CELSR1: variants seen among roughly 807,000 people sequenced by gnomAD.
The protein encoded by CELSR1 is cadherin EGF LAG seven-pass G-type receptor 1, also known as adhesion G protein-coupled receptor C1.
Under a neutral mutation model 249.1 loss-of-function variants are expected in CELSR1, and 110 were observed. The ratio of observed to expected loss-of-function variants is 0.44; its 90% CI spans 0.38 to 0.52. The LOEUF is 0.52. Among genes scored for constraint, CELSR1 ranks in the 20% least tolerant of loss-of-function variants. The pLI, the probability that CELSR1 is intolerant of heterozygous loss-of-function variation, is 0.00. For missense variants in CELSR1, 4,109 were observed against 4,296.4 expected, an observed-to-expected ratio of 0.96 and a Z score of 1.22; for synonymous variants, 2,113 against 1,900.0, an observed-to-expected ratio of 1.11 and a Z score of -2.92.
intron 27 of CELSR1, among the ~76,000 whole-genome samples, chr22:46,368,387 C>G (rs2078811523): frequency 6.6e-6 from 1 of 152,058 alleles, no homozygotes; most frequent in Non-Finnish European, 1.5e-5. Context: ...AGACGAGGAA[C>G]TGACAAGGCC....
intron 1 of CELSR1, among the ~76,000 whole-genome samples, chr22:46,491,589 T>C (rs1469996342): frequency 6.6e-6 from 1 of 151,380 alleles, no homozygotes; most frequent in African/African-American, 2.4e-5. Context: ...TTAAAAGTTT[T>C]TCTTGTGAAC....
At position 46,536,396 on chromosome 22, in the gene CELSR1, G is replaced by A; in HGVS notation, c.775C>T (p.Pro259Ser). 6.2e-7 allele frequency: 1 copy of A among 1,612,308 alleles called. No individual in the cohort carries two copies. The change falls in exon 1 of 35, where the codon CCG (proline) becomes TCG (serine). Residue 259 changes from proline to serine, a missense_variant. Coordinates refer to ENST00000674500, the MANE Select transcript of CELSR1 (RefSeq NM_001378328.1). ...NYQVALFENE[P>S]AGTLILQLHA... is the part of the protein sequence containing the mutation. The stretch of plus-strand genomic sequence containing the variant: ...AGCTGGAGGATGAGGGTGCCCGCCG[G>A]TTCGTTCTCAAACAACGCCACCTGG...
chr22:46,414,440 C>A (rs2079373808), intron 5 of CELSR1, among the ~76,000 whole-genome samples: 1 of 152,226 alleles, frequency 6.6e-6, no homozygotes, highest in African/African-American at 2.4e-5. Context: ...TCCCGATGGC[C>A]CATCCCTCTC....
chr22:46,444,416 G>A (rs564671561), intron 2 of CELSR1, among the ~76,000 whole-genome samples: 10 of 152,312 alleles, frequency 6.6e-5, no homozygotes, highest in East Asian at 3.9e-4. Context: ...TCCTGCCCCC[G>A]AGGGGGGCAC....
In CELSR1 at chr22:46,434,094, G is replaced by A. The variant is rs1459200167; in HGVS notation, c.4523-613C>T. 1.3e-5 allele frequency among the ~76,000 whole-genome samples: 2 copies of A among 152,232 alleles called. No individual in the cohort carries two copies. The highest frequency in any genetic ancestry group is 1.5e-5 in the Non-Finnish European group (1 of 68,044). On this transcript the variant is annotated intron_variant, in intron 4 of 34. Transcript: ENST00000674500. This position sits in a 1 kb window ranked among gnomAD's most constrained non-coding sequence, Gnocchi z 4.9. Reference sequence around the variant, plus strand: ...GGTCGAACCCTTTTTCCTATGCATTGCATCAACGTAGACAAAATCATCAAA... The same window carrying A: ...GGTCGAACCCTTTTTCCTATGCATTACATCAACGTAGACAAAATCATCAAA...
chr22:46,416,545 C>G (rs111623722), intron 5 of CELSR1, among the ~76,000 whole-genome samples: 1 of 152,204 alleles, frequency 6.6e-6, no homozygotes, highest in Non-Finnish European at 1.5e-5. Flanking sequence ...CTCTACACCC[C>G]TCGGCGGGCA....
At chr22:46,529,261 A>C (rs970806931) in intron 1 of CELSR1, among the ~76,000 whole-genome samples, 4 of 151,722 alleles carry the variant, frequency 2.6e-5, no homozygotes, top group African/African-American at 9.7e-5. Context: ...GTGAGACTCC[A>C]TTTCAAAAAA....
chr22:46,453,859 C>A (rs1032376936), intron 2 of CELSR1, among the ~76,000 whole-genome samples: 3 of 152,116 alleles, frequency 2.0e-5, no homozygotes, highest in Non-Finnish European at 4.4e-5. Flanking sequence ...AAATATTTAC[C>A]GGGTGTGAGT....
Position 46,361,189 on chromosome 22 carries a change from C to G in CELSR1, c.*2034G>C, listed in dbSNP as rs2078700300. 6.6e-6 allele frequency: 1 copy of G among 152,656 alleles called. No individual in the cohort carries two copies. The highest frequency in any genetic ancestry group is 2.1e-4 in the South Asian group (1 of 4,826). 9.5% of individuals were successfully genotyped at this position (152,656 alleles called of 1,614,324 possible). The stretch of plus-strand genomic sequence containing the variant: ...ACCGCAGAAGTACAAATTCAAAAAT[C>G]TTAATTTATTGTAGACTCTTCTCAT... On this transcript the variant is annotated 3_prime_UTR_variant, in exon 35 of 35. Transcript: ENST00000674500.
At chr22:46,486,409 G>A (rs1473519422) in intron 1 of CELSR1, among the ~76,000 whole-genome samples, 3 of 151,936 alleles carry the variant, frequency 2.0e-5, no homozygotes, top group East Asian at 3.9e-4. Flanking sequence ...TTAGCTGGGC[G>A]TGGTGGTGGG....
At position 46,386,391 on chromosome 22, in the gene CELSR1, C is replaced by T; in HGVS notation, c.6739+11G>A. On this transcript the variant is annotated intron_variant, in intron 19 of 34. Transcript: ENST00000674500. ...AGCAGGGTTCCACCCCCAACGCAGC[C>T]AGCGCCTTACTCATGTTGGCGGTGA... 6.5e-7 allele frequency: 1 copy of T among 1,543,314 alleles called. No homozygotes were observed. The highest frequency in any genetic ancestry group is 1.9e-5 in the Admixed American group (1 of 52,560).
intron 9 of CELSR1, among the ~76,000 whole-genome samples, chr22:46,405,473 A>AG (rs1272532996): frequency 6.6e-6 from 1 of 152,096 alleles, no homozygotes; most frequent in East Asian, 1.9e-4. Context: ...AAAAAAAAAA[A>AG]AAAAAAAATT....
Position 46,408,895 on chromosome 22 carries a change from G to T in CELSR1, c.5226+101C>A. The stretch of plus-strand genomic sequence containing the variant: ...CAGGGGCGGGCGCCGGAGGAAGGGC[G>T]AGTAGCAGGTGCCCGAGTGTGCACC... On this transcript the variant is annotated intron_variant, in intron 9 of 34. Coordinates refer to ENST00000674500, the MANE Select transcript of CELSR1 (RefSeq NM_001378328.1). The surrounding 1 kb of genome is among the most constrained non-coding windows in gnomAD (Gnocchi z 4.6). 1.1e-6 allele frequency: 1 copy of T among 937,918 alleles called. No individual in the cohort carries two copies. The allele number at this position is 937,918 out of a possible 1,614,324, so 58.1% of individuals were successfully genotyped here.
At chr22:46,444,275 A>T (rs1439219560) in intron 2 of CELSR1, among the ~76,000 whole-genome samples, 1 of 152,242 alleles carries the variant, frequency 6.6e-6, no homozygotes, top group African/African-American at 2.4e-5. Flanking sequence ...CTGAGTGAAG[A>T]CAGCGCTTTG....
chr22:46,453,347 C>T (rs116437304), intron 2 of CELSR1, among the ~76,000 whole-genome samples: 1,693 of 152,298 alleles, frequency 0.011, 32 homozygotes, highest in African/African-American at 0.039. Context: ...CCCAACGGTT[C>T]AAATTCCCCT....
chr22:46,391,801 G>T lies in CELSR1; in HGVS notation c.5980C>A (p.Leu1994Ile). 1 of 1,610,160 alleles carries T rather than the reference G, an allele frequency of 6.2e-7. No individual in the cohort carries two copies. The highest frequency in any genetic ancestry group is 1.3e-5 in the African/African-American group (1 of 74,772). ...GGCAGACAGGTGTCCTGGGCTAGGA[G>T]CTTGTAGTAATTCTCCTGCAAAAGC... ...QCQCKENYYK[L>I]LAQDTCLPCD... The change falls in exon 15 of 35, where the codon CTC (leucine) becomes ATC (isoleucine). Residue 1994 changes from leucine to isoleucine, a missense_variant. Physicochemically the swap from Leu to Ile is conservative, Grantham distance 5. This residue lies in a region of CELSR1 where 1,805 missense variants were observed against 1,831.6 expected (regional missense o/e 0.99). Coordinates refer to ENST00000674500, the MANE Select transcript of CELSR1 (RefSeq NM_001378328.1). The surrounding 1 kb of genome is among the most constrained non-coding windows in gnomAD (Gnocchi z 4.3).
At chr22:46,497,839 G>T (rs540992340) in intron 1 of CELSR1, among the ~76,000 whole-genome samples, 1 of 152,076 alleles carries the variant, frequency 6.6e-6, no homozygotes, top group Non-Finnish European at 1.5e-5. Flanking sequence ...TATTTATTGA[G>T]CTCACACAGA....
Position 46,409,233 on chromosome 22 carries a change from G to A in CELSR1, c.5060-71C>T, listed in dbSNP as rs899049531. 7 of 1,521,234 alleles carry A rather than the reference G, an allele frequency of 4.6e-6. No individual in the cohort carries two copies. In the African/African-American group the frequency reaches 5.5e-5, roughly 12 times the overall value. The allele number at this position is 1,521,234 out of a possible 1,614,324, so 94.2% of individuals were successfully genotyped here. ...CGGCCGCGGACTTGGCTGCAGGGGC[G>A]GGGGATGGGCCTGCAGGCTAGGCCT... is the stretch of plus-strand genomic sequence containing the variant. On this transcript the variant is annotated intron_variant, in intron 8 of 34. Coordinates refer to ENST00000674500, the MANE Select transcript of CELSR1 (RefSeq NM_001378328.1). This position sits in a 1 kb window ranked among gnomAD's most constrained non-coding sequence, Gnocchi z 9.8.
chr22:46,407,886 C>T lies in CELSR1; in HGVS notation c.5226+1110G>A, dbSNP rs944322724. Among the ~76,000 whole-genome samples, 1 of 152,180 alleles carries T rather than the reference C, an allele frequency of 6.6e-6. No homozygotes were observed. Among genetic ancestry groups the T allele is most frequent in the Non-Finnish European group, 1.5e-5 (1 of 68,028 alleles). On this transcript the variant is annotated intron_variant, in intron 9 of 34. Transcript: ENST00000674500. The surrounding 1 kb of genome is among the most constrained non-coding windows in gnomAD (Gnocchi z 4.8). ...CAGCAGCTGGGTTTACAGGAGAGCGCCCGTGCCCCGCCATCACTACAGACG... is the reference window on the plus strand; with the variant it reads ...CAGCAGCTGGGTTTACAGGAGAGCGTCCGTGCCCCGCCATCACTACAGACG...
Sources: gnomAD v4.1 joint callset for allele counts (sites outside exome capture counted in the v4.1 genomes callset) on GRCh38, gnomAD v4.1.1 for gene constraint, gnomAD v4.1.1 regional missense constraint, Gnocchi (gnomAD v3.1) non-coding constraint, MANE v1.5 for transcripts, NCBI Gene and HGNC (gene_info 2026-07-23, HGNC 2026-07-21) for gene names.